Variants in GPR39 observed in about 807,000 individuals in gnomAD.
GPR39 encodes the protein zinc sensing receptor.
In GPR39, 23 loss-of-function variants were observed where a neutral mutation model predicts 18.4. That is an observed-to-expected ratio of 1.25 (90% CI 0.90 to 1.77). The LOEUF (loss-of-function observed/expected upper bound fraction) is 1.77. GPR39 is among the 40% of genes most tolerant of loss of function. GPR39 has a pLI of 0.00. For missense variants in GPR39, 647 were observed against 602.4 expected (o/e 1.07, Z -0.78); for synonymous variants, 280 against 257.9 (o/e 1.09, Z -0.82).
intron 1 of GPR39, among the ~76,000 whole-genome samples, chr2:132,512,798 C>T (rs911559389): frequency 6.6e-6 from 1 of 152,184 alleles, no homozygotes; most frequent in Non-Finnish European, 1.5e-5. Flanking sequence ...GATACTTTTA[C>T]AGTACACACA....
intron 1 of GPR39, among the ~76,000 whole-genome samples, chr2:132,557,643 T>A (rs763884881): frequency 6.6e-5 from 10 of 151,994 alleles, no homozygotes; most frequent in Non-Finnish European, 1.0e-4. Flanking sequence ...CAAGTAAGTT[T>A]ATTAACCTGC....
At chr2:132,580,767 G>T (rs1573679180) in intron 1 of GPR39, among the ~76,000 whole-genome samples, 1 of 152,186 alleles carries the variant, frequency 6.6e-6, no homozygotes, top group East Asian at 1.9e-4. Context: ...TTCAAGAGCA[G>T]CCTGGTCAAC....
Position 132,645,341 on chromosome 2 carries a change from A to C in GPR39, c.1097A>C (p.Gln366Pro), listed in dbSNP as rs780426008. 1.7e-4 allele frequency: 280 copies of C among 1,614,042 alleles called. No individual in the cohort carries two copies. Among genetic ancestry groups the C allele is most frequent in the Non-Finnish European group, 2.3e-4 (276 of 1,180,044 alleles). ...VQVLCCRLSL[Q>P]HANHEKRLRV... ...GTGCTGTGCTGCCGCCTGTCGCTGC[A>C]GCACGCCAACCACGAGAAGCGCCTG... is the stretch of plus-strand genomic sequence containing the variant. Residue 366 changes from glutamine to proline, a missense_variant, in exon 2 of 2, where the codon CAG becomes CCG. This residue lies in a region of GPR39 where 581 missense variants were observed against 506.8 expected (regional missense o/e 1.15). Transcript: ENST00000329321.
intron 1 of GPR39, 134 bp downstream of exon 1, chr2:132,418,032 T>A: frequency 2.6e-6 from 3 of 1,137,260 alleles, no homozygotes; most frequent in Non-Finnish European, 3.7e-6. Flanking sequence ...GGTGGAAGAG[T>A]CTTGTAGCAG....
chr2:132,494,512 G>T (rs1681600370), intron 1 of GPR39, among the ~76,000 whole-genome samples: 1 of 152,178 alleles, frequency 6.6e-6, no homozygotes, highest in African/African-American at 2.4e-5. Context: ...ACCCACAGGA[G>T]AATTTTCGCT....
intron 1 of GPR39, among the ~76,000 whole-genome samples, chr2:132,607,998 T>C (rs1681171208): frequency 6.6e-6 from 1 of 152,124 alleles, no homozygotes; most frequent in African/African-American, 2.4e-5. Context: ...GTTTTGGGCC[T>C]ATAATGAACC....
At chr2:132,508,135 C>T (rs550218479) in intron 1 of GPR39, among the ~76,000 whole-genome samples, 163 of 152,232 alleles carry the variant, frequency 1.1e-3, no homozygotes, top group Non-Finnish European at 1.0e-3. Context: ...CCTGAGTCAC[C>T]TCATTAGCAT....
chr2:132,427,079 T>C (rs1680131574), intron 1 of GPR39, among the ~76,000 whole-genome samples: 1 of 139,558 alleles, frequency 7.2e-6, no homozygotes, highest in African/African-American at 2.7e-5. Flanking sequence ...TGTACCTATA[T>C]ATATAATATA....
At chr2:132,567,743 G>A (rs968878735) in intron 1 of GPR39, among the ~76,000 whole-genome samples, 1 of 152,136 alleles carries the variant, frequency 6.6e-6, no homozygotes, top group African/African-American at 2.4e-5. Context: ...CTTTTACCTT[G>A]GCTGCATATT....
At chr2:132,547,975 C>T (rs1202782753) in intron 1 of GPR39, among the ~76,000 whole-genome samples, 1 of 152,146 alleles carries the variant, frequency 6.6e-6, no homozygotes, top group Non-Finnish European at 1.5e-5. Context: ...GAAATTTCTG[C>T]AGCCCAGCAC....
At chr2:132,625,742 T>C (rs1681531031) in intron 1 of GPR39, among the ~76,000 whole-genome samples, 1 of 152,216 alleles carries the variant, frequency 6.6e-6, no homozygotes, top group African/African-American at 2.4e-5. Flanking sequence ...TATATGTCTG[T>C]GATCATCTGC....
intron 1 of GPR39, among the ~76,000 whole-genome samples, chr2:132,445,300 A>G (rs1049982047): frequency 2.6e-5 from 4 of 152,188 alleles, no homozygotes; most frequent in Non-Finnish European, 5.9e-5. Flanking sequence ...ATATGATGAC[A>G]TGATTTTACA....
At chr2:132,568,705 C>G (rs1680393210) in intron 1 of GPR39, among the ~76,000 whole-genome samples, 1 of 151,914 alleles carries the variant, frequency 6.6e-6, no homozygotes, top group African/African-American at 2.4e-5. Context: ...GACTCTGTCT[C>G]AAAAAACCTA....
intron 1 of GPR39, among the ~76,000 whole-genome samples, chr2:132,594,152 C>G: frequency 6.6e-6 from 1 of 152,116 alleles, no homozygotes; most frequent in East Asian, 1.9e-4. Context: ...CACTGGGGGA[C>G]CCGTCATACC....
chr2:132,645,072 GTC>G (rs755789707), intron 1 of GPR39, 27 bp from the exon 2 acceptor site: 2 of 1,583,854 alleles, frequency 1.3e-6, no homozygotes, highest in Non-Finnish European at 1.7e-6. Flanking sequence ...TCTTTTCTCT[GTC>G]TCTCCCTCCT....
chr2:132,534,895 C>T (rs536248134), intron 1 of GPR39, among the ~76,000 whole-genome samples: 16 of 151,708 alleles, frequency 1.1e-4, no homozygotes, highest in African/African-American at 2.4e-4. Flanking sequence ...TGCTAAATGA[C>T]GAGTTAAGGG....
intron 1 of GPR39, among the ~76,000 whole-genome samples, chr2:132,480,587 T>C (rs1267883725): frequency 6.6e-6 from 1 of 152,132 alleles, no homozygotes; most frequent in Non-Finnish European, 1.5e-5. Context: ...GTTCTCAAGA[T>C]AGAATTAGTA....
In GPR39 at chr2:132,629,602, G is replaced by T. The variant is rs559852573; in HGVS notation, c.857-15499G>T. Among the ~76,000 whole-genome samples the T allele has an allele frequency of 2.7e-4, 41 of 152,314 alleles. No homozygotes were observed. The South Asian group carries it at 5.6e-3, about 21-fold the overall frequency. On this transcript the variant is annotated intron_variant, in intron 1 of 1. Coordinates refer to ENST00000329321, the MANE Select transcript of GPR39 (RefSeq NM_001508.3). ...GTAGCTGAAAAGGGCTGCAGAAATT[G>T]AAGACAACCTCTCAATTTACAGGCA...
intron 1 of GPR39, among the ~76,000 whole-genome samples, chr2:132,642,745 C>T (rs916159805): frequency 6.6e-6 from 1 of 152,222 alleles, no homozygotes; most frequent in Admixed American, 6.5e-5. Flanking sequence ...TCTGGATTCT[C>T]ACCGCCTGAA....
Sources: gnomAD v4.1 joint callset for allele counts (sites outside exome capture counted in the v4.1 genomes callset) on GRCh38, gnomAD v4.1.1 for gene constraint, gnomAD v4.1.1 regional missense constraint, MANE v1.5 for transcripts, NCBI Gene and HGNC (gene_info 2026-07-23, HGNC 2026-07-21) for gene names.